Variants in SKI observed in about 807,000 individuals in gnomAD.
SKI encodes the protein ski oncogene.
In SKI, 23 loss-of-function variants were observed where a neutral mutation model predicts 59.3. The observed-to-expected ratio is 0.39, with a 90% CI of 0.28 to 0.55. The LOEUF (loss-of-function observed/expected upper bound fraction) is 0.55, where lower values mean the gene tolerates loss of function less well. Ranked by LOEUF, SKI falls within the 20% of genes least tolerant of loss-of-function variation. SKI has a pLI of 0.67. For synonymous variants in SKI, 673 were observed against 488.6 expected, an observed-to-expected ratio of 1.38 and a Z score of -4.98; for missense variants, 1,017 against 1,038.9, an observed-to-expected ratio of 0.98 and a Z score of 0.29.
intron 1 of SKI, among the ~76,000 whole-genome samples, chr1:2,271,834 TGCGATG>T (rs1302577773): frequency 6.6e-6 from 1 of 152,174 alleles, no homozygotes; most frequent in Non-Finnish European, 1.5e-5. Context: ...TCTGACATTG[TGCGATG>T]GCCCCAGAGG....
intron 1 of SKI, among the ~76,000 whole-genome samples, chr1:2,241,895 C>A (rs549258887): frequency 6.6e-6 from 1 of 152,194 alleles, no homozygotes; most frequent in Non-Finnish European, 1.5e-5. Context: ...TGCTGCTTTT[C>A]GGGACCCAGG....
chr1:2,240,575 G>A, intron 1 of SKI: 1 of 985,454 alleles, frequency 1.0e-6, no homozygotes, highest in South Asian at 4.7e-5. Context: ...GAGGCTCCCA[G>A]AAGAAGAAAT....
Position 2,304,380 on chromosome 1 carries a change from T to C in SKI, c.1562T>C (p.Leu521Pro), listed in dbSNP as rs1161295504. The C allele has an allele frequency of 1.3e-6, 2 of 1,551,810 alleles. No homozygotes were observed. Among genetic ancestry groups the C allele is most frequent in the South Asian group, 1.2e-5 (1 of 84,158 alleles). The stretch of plus-strand genomic sequence containing the variant: ...CTGGGCTCCCCGGGTGCGCGTGCCC[T>C]GCCCTCGGCCGTCCCTGATGCTGCG... ...KDLGSPGARA[L>P]PSAVPDAAAP... Residue 521 changes from leucine (L) to proline (P), a missense_variant, in exon 5 of 7, where the codon CTG (leucine) becomes CCG (proline). Coordinates refer to ENST00000378536, the MANE Select transcript of SKI (RefSeq NM_003036.4).
chr1:2,303,904 C>G lies in SKI; in HGVS notation c.1276C>G (p.Gln426Glu). The G allele has an allele frequency of 6.2e-7, 1 of 1,612,352 alleles. No individual in the cohort carries two copies. Residue 426 changes from glutamine (Q) to glutamate (E), a missense_variant, in exon 4 of 7, where the codon CAG becomes GAG. Gln to Glu is a conservative substitution (Grantham distance 29). Coordinates refer to ENST00000378536, the MANE Select transcript of SKI (RefSeq NM_003036.4). The surrounding 1 kb of genome is among the most constrained non-coding windows in gnomAD (Gnocchi z 5.6). ...APNVALAPPA[Q>E]QKVVSSPPCA... ...CAACGTGGCCCTCGCACCGCCGGCC[C>G]AGCAGAAGGTTGTGAGCAGCCCTCC...
At chr1:2,291,480 T>C (rs1400242865) in intron 1 of SKI, among the ~76,000 whole-genome samples, 1 of 152,206 alleles carries the variant, frequency 6.6e-6, no homozygotes, top group Non-Finnish European at 1.5e-5. Context: ...ATGGCAGCAC[T>C]GCCTGGCCAT....
At chr1:2,263,152 C>T (rs1178614212) in intron 1 of SKI, among the ~76,000 whole-genome samples, 5 of 152,004 alleles carry the variant, frequency 3.3e-5, no homozygotes, top group South Asian at 2.1e-4. Flanking sequence ...CTGTCTGCCT[C>T]GGCCTCCCAA....
rs552939924 is a variant in SKI, at chr1:2,238,469, G to T, written c.969+8734G>T. On this transcript the variant is annotated intron_variant, in intron 1 of 6. Coordinates refer to ENST00000378536, the MANE Select transcript of SKI (RefSeq NM_003036.4). The stretch of plus-strand genomic sequence containing the variant: ...GGGCACAGGGTGCTCTGCCTCCATG[G>T]CCCTGACAGGCTCTGATGCCTGAGG... Among the ~76,000 whole-genome samples the T allele has an allele frequency of 8.2e-4, 125 of 152,356 alleles. 2 individuals carry two copies. The highest frequency in any genetic ancestry group is 2.3e-3 in the South Asian group (11 of 4,828).
intron 1 of SKI, among the ~76,000 whole-genome samples, chr1:2,274,162 C>T (rs746914045): frequency 1.5e-4 from 23 of 152,044 alleles, no homozygotes; most frequent in Non-Finnish European, 2.2e-4. Flanking sequence ...GGTTTTGCTC[C>T]GAGGCTGGAC....
chr1:2,264,171 A>G (rs1388884538), intron 1 of SKI, among the ~76,000 whole-genome samples: 10 of 151,948 alleles, frequency 6.6e-5, no homozygotes, highest in Non-Finnish European at 1.5e-4. Context: ...CAATTCAACT[A>G]AAAATGCCAT....
At chr1:2,306,533 C>T (rs775384966) in intron 6 of SKI, 44 bp from the exon 7 acceptor site, 2 of 1,520,506 alleles carry the variant, frequency 1.3e-6, no homozygotes, top group East Asian at 2.5e-5. Flanking sequence ...CGGGCCGGGG[C>T]AGGGCAGCGA....
chr1:2,240,885 C>T, intron 1 of SKI: 1 of 817,514 alleles, frequency 1.2e-6, no homozygotes, highest in Non-Finnish European at 1.5e-6. Context: ...GGGGAAGTGG[C>T]CCTGCGTCGA....
intron 1 of SKI, among the ~76,000 whole-genome samples, chr1:2,263,121 G>T (rs528354397): frequency 2.4e-4 from 37 of 151,996 alleles, no homozygotes; most frequent in Non-Finnish European, 3.7e-4. Flanking sequence ...GGCTGGTCCC[G>T]AACTCCTGAC....
chr1:2,229,748 A>G lies in SKI; in HGVS notation c.969+13A>G. The G allele has an allele frequency of 6.4e-7, 1 of 1,553,032 alleles. No homozygotes were observed. Among genetic ancestry groups the G allele is most frequent in the Non-Finnish European group, 8.7e-7 (1 of 1,148,560 alleles). ...GCGGGTGCCCCGGGTGAGTGGCCCC[A>G]GGCCTGGGAGCTGGGGAGGATGCGC... is the stretch of plus-strand genomic sequence containing the variant. On this transcript the variant is annotated intron_variant, in intron 1 of 6. Coordinates refer to ENST00000378536, the MANE Select transcript of SKI (RefSeq NM_003036.4). This position sits in a 1 kb window ranked among gnomAD's most constrained non-coding sequence, Gnocchi z 6.3.
At chr1:2,305,921 GATAGATGAC>G (rs1352163531) in intron 5 of SKI, 90 bp from the exon 6 acceptor site, 1 of 954,466 alleles carries the variant, frequency 1.0e-6, no homozygotes, top group African/African-American at 1.6e-5. Context: ...CACATTGTCA[GATAGATGAC>G]CCCACGGGGT....
At position 2,303,281 on chromosome 1, in the gene SKI, A is replaced by G. The variant is rs1421589237; in HGVS notation, c.1096-4A>G. 4 of 1,613,084 alleles carry G rather than the reference A, an allele frequency of 2.5e-6. No individual in the cohort carries two copies. The highest frequency in any genetic ancestry group is 3.4e-6 in the Non-Finnish European group (4 of 1,179,916). ...CACTCACACAGACAACTCTTTCTCG[A>G]CAGAGCCTGGGCTGTGTTCACCCTC... On this transcript the variant is annotated splice_polypyrimidine_tract_variant and splice_region_variant and intron_variant, in intron 2 of 6. Coordinates refer to ENST00000378536, the MANE Select transcript of SKI (RefSeq NM_003036.4). The surrounding 1 kb of genome is among the most constrained non-coding windows in gnomAD (Gnocchi z 5.6).
rs2100927445 is a variant in SKI, at chr1:2,307,072, A to C, written c.*307A>C. ...ACACTTTTGTTATAAGCTATTTAAA[A>C]CCAGTAAGGAGACTTGAAATTCAGA... is the stretch of plus-strand genomic sequence containing the variant. On this transcript the variant is annotated 3_prime_UTR_variant, in exon 7 of 7. Transcript: ENST00000378536. 1 of 199,500 alleles carries C rather than the reference A, an allele frequency of 5.0e-6. No homozygotes were observed. The highest frequency in any genetic ancestry group is 2.3e-5 in the African/African-American group (1 of 42,670). The allele number at this position is 199,500 out of a possible 1,614,324, so 12.4% of individuals were successfully genotyped here.
chr1:2,283,054 T>C (rs1433587010), intron 1 of SKI, among the ~76,000 whole-genome samples: 1 of 152,194 alleles, frequency 6.6e-6, no homozygotes, highest in Non-Finnish European at 1.5e-5. Context: ...CGCAGGCATC[T>C]TGGCTGACTA....
intron 1 of SKI, among the ~76,000 whole-genome samples, chr1:2,244,750 G>A (rs916881363): frequency 1.3e-4 from 20 of 152,020 alleles, no homozygotes; most frequent in Non-Finnish European, 2.4e-4. Flanking sequence ...TCTTATTGTG[G>A]CAAAATAAAC....
In SKI at chr1:2,302,812, A is replaced by G. The variant is rs1496555; in HGVS notation, c.970-166A>G. 0.87 allele frequency among the ~76,000 whole-genome samples: 132,903 copies of G among 152,214 alleles called. 58,156 individuals are homozygous for G. Among genetic ancestry groups the G allele is most frequent in the African/African-American group, 0.91 (37,629 of 41,542 alleles). On this transcript the variant is annotated intron_variant, in intron 1 of 6. Transcript: ENST00000378536. ...GGCCTAAGGGCCTTTATGCAAAGTG[A>G]ACTTGGTCTCCTGGGGGGTGCCCTG...
Sources: gnomAD v4.1 joint callset for allele counts (sites outside exome capture counted in the v4.1 genomes callset) on GRCh38, gnomAD v4.1.1 for gene constraint, Gnocchi (gnomAD v3.1) non-coding constraint, MANE v1.5 for transcripts, NCBI Gene and HGNC (gene_info 2026-07-23, HGNC 2026-07-21) for gene names.